VWC2L: variants seen among roughly 807,000 people sequenced by gnomAD.
VWC2L encodes von Willebrand factor C domain-containing protein 2-like.
Under a neutral mutation model 21.6 loss-of-function variants are expected in VWC2L, and 10 were observed. The ratio of observed to expected loss-of-function variants is 0.46; its 90% CI spans 0.29 to 0.78. VWC2L has a LOEUF of 0.78. Among genes scored for constraint, VWC2L ranks in the 30% least tolerant of loss-of-function variants. The pLI is 0.10. For missense variants in VWC2L, 209 were observed against 277.1 expected, an observed-to-expected ratio of 0.75 and a Z score of 1.74; for synonymous variants, 96 against 94.3, an observed-to-expected ratio of 1.02 and a Z score of -0.10.
intron 2 of VWC2L, among the ~76,000 whole-genome samples, chr2:214,423,480 A>G (rs1702473465): frequency 1.3e-5 from 2 of 152,150 alleles, no homozygotes; most frequent in Admixed American, 6.5e-5. Flanking sequence ...CTTCAGGTTT[A>G]ACAGAAAAAT....
chr2:214,552,605 T>C (rs1325025568), intron 3 of VWC2L, among the ~76,000 whole-genome samples: 1 of 152,206 alleles, frequency 6.6e-6, no homozygotes, highest in Non-Finnish European at 1.5e-5. Flanking sequence ...CCTACTCCTA[T>C]TTCTGTAATC....
At chr2:214,450,636 C>T (rs1260243736) in intron 3 of VWC2L, among the ~76,000 whole-genome samples, 1 of 152,086 alleles carries the variant, frequency 6.6e-6, no homozygotes, top group African/African-American at 2.4e-5. Context: ...CCCTGGATGA[C>T]AGGGAGACAG....
intron 2 of VWC2L, among the ~76,000 whole-genome samples, chr2:214,429,285 A>G (rs149229052): frequency 2.6e-5 from 4 of 152,336 alleles, no homozygotes; most frequent in Non-Finnish European, 5.9e-5. Context: ...TACAGTACTC[A>G]GTTGCTTTGT....
At chr2:214,428,879 G>A (rs1267929437) in intron 2 of VWC2L, among the ~76,000 whole-genome samples, 2 of 151,018 alleles carry the variant, frequency 1.3e-5, no homozygotes, top group South Asian at 4.2e-4. Flanking sequence ...AATACAAATG[G>A]GTTTGGTTGT....
chr2:214,457,842 G>A (rs1329566704), intron 3 of VWC2L, among the ~76,000 whole-genome samples: 7 of 151,968 alleles, frequency 4.6e-5, no homozygotes, highest in Non-Finnish European at 8.8e-5. Flanking sequence ...ATTATCTTTT[G>A]CATATGCCAT....
At chr2:214,524,813 A>G (rs369832621) in intron 3 of VWC2L, among the ~76,000 whole-genome samples, 2 of 152,162 alleles carry the variant, frequency 1.3e-5, no homozygotes, top group South Asian at 2.1e-4. Context: ...TCATTTGACT[A>G]TCACACCAAA....
chr2:214,429,626 C>T (rs943125486), intron 2 of VWC2L, among the ~76,000 whole-genome samples: 8 of 151,898 alleles, frequency 5.3e-5, no homozygotes, highest in African/African-American at 1.9e-4. Context: ...TTAAAATTTA[C>T]ATTTATATGT....
chr2:214,507,046 A>G (rs1370193697), intron 3 of VWC2L, among the ~76,000 whole-genome samples: 4 of 152,176 alleles, frequency 2.6e-5, no homozygotes, highest in African/African-American at 7.2e-5. Flanking sequence ...ATTTTATAAA[A>G]CAAAGGTCAA....
chr2:214,535,187 T>G (rs1332200089), intron 3 of VWC2L, among the ~76,000 whole-genome samples: 1 of 152,088 alleles, frequency 6.6e-6, no homozygotes, highest in Non-Finnish European at 1.5e-5. Context: ...AGTCCTTGAT[T>G]TGGGGTAATA....
chr2:214,552,847 C>G (rs12613142), intron 3 of VWC2L, among the ~76,000 whole-genome samples: 2 of 152,008 alleles, frequency 1.3e-5, no homozygotes, highest in African/African-American at 4.8e-5. Flanking sequence ...TTAATTTAAG[C>G]TTTCCACTTG....
In VWC2L at chr2:214,559,350, G is replaced by A. The variant is rs1463568069; in HGVS notation, c.521-16322G>A. On this transcript the variant is annotated intron_variant, in intron 3 of 3. Coordinates refer to ENST00000312504, the MANE Select transcript of VWC2L (RefSeq NM_001080500.4). ...AGTTTTTTAAAAACAGTAAGAACAT[G>A]CTCCTATCTGTCTCTACTTTTATCT... Among the ~76,000 whole-genome samples, 4 of 152,078 alleles carry A rather than the reference G, an allele frequency of 2.6e-5. No homozygotes were observed. In the East Asian group the frequency reaches 5.8e-4, roughly 22 times the overall value.
chr2:214,564,375 A>C (rs185387959), intron 3 of VWC2L, among the ~76,000 whole-genome samples: 1 of 152,334 alleles, frequency 6.6e-6, no homozygotes. Flanking sequence ...ATCCTAAACA[A>C]AAAGAACAAA....
At chr2:214,439,963 C>A (rs1702739879) in intron 3 of VWC2L, among the ~76,000 whole-genome samples, 1 of 151,770 alleles carries the variant, frequency 6.6e-6, no homozygotes, top group South Asian at 2.1e-4. Context: ...GGTACCATGT[C>A]TTTATTCTTG....
intron 3 of VWC2L, among the ~76,000 whole-genome samples, chr2:214,438,951 C>A (rs1702721279): frequency 6.6e-6 from 1 of 152,002 alleles, no homozygotes; most frequent in Non-Finnish European, 1.5e-5. Flanking sequence ...CCTCTTGGTA[C>A]TTCCAAACAA....
At chr2:214,502,887 CAGGCCCTA>C (rs937125502) in intron 3 of VWC2L, among the ~76,000 whole-genome samples, 1 of 152,162 alleles carries the variant, frequency 6.6e-6, no homozygotes, top group Non-Finnish European at 1.5e-5. Flanking sequence ...TGGGCAACAC[CAGGCCCTA>C]ATACTTGGTA....
In VWC2L at chr2:214,577,948, A is replaced by G. The variant is rs1370664683; in HGVS notation, c.*2128A>G. 1.3e-5 allele frequency: 2 copies of G among 152,098 alleles called. 1 individual carries two copies. Among genetic ancestry groups the G allele is most frequent in the African/African-American group, 4.8e-5 (2 of 41,426 alleles). The allele number at this position is 152,098 out of a possible 1,614,324, so 9.4% of individuals were successfully genotyped here. A position where few individuals can be genotyped will look rare whatever the true frequency, so the allele number is the denominator to read the frequency against. ...GCAAGGTTGGTGCCTTTCATTTGCC[A>G]CCATGGATACATCATATAGACAGTC... On this transcript the variant is annotated 3_prime_UTR_variant, in exon 4 of 4. Transcript: ENST00000312504.
At position 214,422,304 on chromosome 2, in the gene VWC2L, T is replaced by A. The variant is rs184011458; in HGVS notation, c.390+7721T>A. 4.1e-3 allele frequency among the ~76,000 whole-genome samples: 628 copies of A among 151,932 alleles called. 25 individuals are homozygous for A. The highest frequency in any genetic ancestry group is 0.039 in the Admixed American group (597 of 15,268). On this transcript the variant is annotated intron_variant, in intron 2 of 3. Coordinates refer to ENST00000312504, the MANE Select transcript of VWC2L (RefSeq NM_001080500.4). ...TGCTCCATACATGCATTAATTTGTG[T>A]GTGTGTGTGTGTGTGTGTTAAACTG...
At chr2:214,475,162 A>G (rs1324160244) in intron 3 of VWC2L, among the ~76,000 whole-genome samples, 1 of 152,158 alleles carries the variant, frequency 6.6e-6, no homozygotes, top group Non-Finnish European at 1.5e-5. Flanking sequence ...TTGTACCTCA[A>G]CGGGACATTA....
At chr2:214,431,832 A>G (rs559303993) in intron 2 of VWC2L, among the ~76,000 whole-genome samples, 1 of 152,324 alleles carries the variant, frequency 6.6e-6, no homozygotes, top group African/African-American at 2.4e-5. Context: ...CTCTTGTCCA[A>G]ATTTAGTTAG....
Sources: gnomAD v4.1 joint callset for allele counts (sites outside exome capture counted in the v4.1 genomes callset) on GRCh38, gnomAD v4.1.1 for gene constraint, MANE v1.5 for transcripts, NCBI Gene and HGNC (gene_info 2026-07-23, HGNC 2026-07-21) for gene names.